Variants in AKAP13 observed in about 807,000 individuals in gnomAD.
The protein encoded by AKAP13 is A-kinase anchor protein 13.
A neutral mutation model predicts 264.5 loss-of-function variants in AKAP13; 80 were observed. That is an observed-to-expected ratio of 0.30 (90% CI 0.25 to 0.36). The LOEUF is 0.36. Among genes scored for constraint, AKAP13 ranks in the 10% least tolerant of loss-of-function variants. The pLI, the probability that AKAP13 is intolerant of heterozygous loss-of-function variation, is 1.00. For missense variants in AKAP13, 3,712 were observed against 3,435.2 expected, an observed-to-expected ratio of 1.08 and a Z score of -2.01; for synonymous variants, 1,380 against 1,250.2, an observed-to-expected ratio of 1.10 and a Z score of -2.19.
intron 17 of AKAP13, among the ~76,000 whole-genome samples, chr15:85,697,462 A>C (rs1009025487): frequency 6.6e-6 from 1 of 152,140 alleles, no homozygotes; most frequent in Non-Finnish European, 1.5e-5. Flanking sequence ...CCAGCTATTC[A>C]GTAGGCTGAG....
Position 85,744,725 on chromosome 15 carries a change from C to T in AKAP13, c.*48C>T. On this transcript the variant is annotated 3_prime_UTR_variant, in exon 37 of 37. Coordinates refer to ENST00000394518, the MANE Select transcript of AKAP13 (RefSeq NM_007200.5). ...AGCTGCCTCCTGATCCTGGCCAGCC[C>T]ACCTCTCCTGCTGTCCCCGCGTGCA... 2 of 1,534,928 alleles carry T rather than the reference C, an allele frequency of 1.3e-6. No homozygotes were observed. The highest frequency in any genetic ancestry group is 1.2e-5 in the South Asian group (1 of 80,950).
intron 1 of AKAP13, among the ~76,000 whole-genome samples, chr15:85,383,042 C>T (rs947858888): frequency 4.6e-5 from 7 of 151,300 alleles, no homozygotes; most frequent in Non-Finnish European, 7.4e-5. Context: ...TAGAAATCAG[C>T]CCCCCCCTTT....
chr15:85,707,922 C>G, intron 17 of AKAP13, 97 bp from the exon 18 acceptor site: 1 of 1,216,544 alleles, frequency 8.2e-7, no homozygotes, highest in African/African-American at 1.5e-5. Flanking sequence ...AGTGACTTCA[C>G]TTTGAAATTC....
At chr15:85,740,522 A>T (rs2088873936) in intron 34 of AKAP13, 1 of 496,812 alleles carries the variant, frequency 2.0e-6, no homozygotes, top group Non-Finnish European at 3.6e-6. Context: ...TAGCATGCTA[A>T]CATGCATCTG....
At chr15:85,697,614 A>G (rs2085641287) in intron 17 of AKAP13, among the ~76,000 whole-genome samples, 1 of 152,238 alleles carries the variant, frequency 6.6e-6, no homozygotes, top group African/African-American at 2.4e-5. Context: ...AATAGAATCT[A>G]TAATGGAAGA....
At position 85,582,016 on chromosome 15, in the gene AKAP13, G is replaced by A. The variant is rs114990958; in HGVS notation, c.3948G>A (p.Glu1316=). 179 of 1,614,188 alleles carry A rather than the reference G, an allele frequency of 1.1e-4. 1 individual carries two copies. The East Asian group carries it at 3.1e-3, about 28-fold the overall frequency. Residue 1316 remains glutamate (E), a synonymous_variant, in exon 7 of 37, where the codon GAG becomes GAA. Coordinates refer to ENST00000394518, the MANE Select transcript of AKAP13 (RefSeq NM_007200.5). ...GCCTACCAATGGGCAGTACTCCTGA[G>A]GAAGCCACGGGGAGCCTTGCAGGAT... The part of the protein sequence containing the change: ...GESLPMGSTP[E]EATGSLAGCF...
rs1192068626 is a variant in AKAP13, at chr15:85,577,924, T to C, written c.862-1006T>C. ...GCTGCACCTTGTAATGGAAAAGAGCTAGGATTTGTTTTTACTTGTATATAT... is the reference window on the plus strand; with the variant it reads ...GCTGCACCTTGTAATGGAAAAGAGCCAGGATTTGTTTTTACTTGTATATAT... On this transcript the variant is annotated intron_variant, in intron 6 of 36. Coordinates refer to ENST00000394518, the MANE Select transcript of AKAP13 (RefSeq NM_007200.5). 6 of 705,888 alleles carry C rather than the reference T, an allele frequency of 8.5e-6. No individual in the cohort carries two copies. The South Asian group carries it at 3.8e-4, about 45-fold the overall frequency. 43.7% of individuals were successfully genotyped at this position (705,888 alleles called of 1,614,324 possible). A position where few individuals can be genotyped will look rare whatever the true frequency, so the allele number is the denominator to read the frequency against.
At chr15:85,545,884 A>G (rs1187101755) in intron 5 of AKAP13, among the ~76,000 whole-genome samples, 1 of 152,190 alleles carries the variant, frequency 6.6e-6, no homozygotes, top group Non-Finnish European at 1.5e-5. Context: ...AATTTTAGGG[A>G]CAGCATTCAG....
intron 8 of AKAP13, among the ~76,000 whole-genome samples, chr15:85,595,289 C>T (rs962585449): frequency 2.0e-5 from 3 of 151,674 alleles, no homozygotes; most frequent in South Asian, 2.1e-4. Context: ...TGTAGAGACA[C>T]GGTCTCCACA....
chr15:85,448,441 G>A (rs769718545), intron 1 of AKAP13, among the ~76,000 whole-genome samples: 2 of 151,840 alleles, frequency 1.3e-5, no homozygotes, highest in Non-Finnish European at 2.9e-5. Flanking sequence ...ATCTTTGCCC[G>A]TTCCTAAGTC....
At chr15:85,590,335 CCT>C (rs2079534702) in intron 8 of AKAP13, among the ~76,000 whole-genome samples, 1 of 152,168 alleles carries the variant, frequency 6.6e-6, no homozygotes, top group African/African-American at 2.4e-5. Context: ...AGCATAAGAA[CCT>C]CTGTCGAGTG....
intron 2 of AKAP13, among the ~76,000 whole-genome samples, chr15:85,514,083 A>G (rs1596386096): frequency 7.3e-6 from 1 of 137,880 alleles, no homozygotes. Flanking sequence ...TGTAATATGT[A>G]TGCTGTTCCT....
At chr15:85,471,138 C>T (rs531742825) in intron 1 of AKAP13, among the ~76,000 whole-genome samples, 1 of 152,136 alleles carries the variant, frequency 6.6e-6, no homozygotes, top group African/African-American at 2.4e-5. Flanking sequence ...CACAATGACA[C>T]AAAGCATTAC....
intron 30 of AKAP13, among the ~76,000 whole-genome samples, chr15:85,733,663 T>G (rs2088209708): frequency 6.6e-6 from 1 of 152,188 alleles, no homozygotes; most frequent in Non-Finnish European, 1.5e-5. Flanking sequence ...TCTCTTCATC[T>G]TTTTAATGTT....
rs533047781 is a variant in AKAP13 at position 85,524,858 on chromosome 15, C to G, written c.181+3283C>G. Among the ~76,000 whole-genome samples the G allele has an allele frequency of 1.5e-4, 21 of 143,146 alleles. No homozygotes were observed. In the South Asian group the frequency reaches 4.7e-3, roughly 32 times the overall value. The allele number at this position is 143,146 out of a possible 152,430, so 93.9% of individuals were successfully genotyped here. ...GTCTGTCTGTCCCTCCCTCCTGCCC[C>G]CTCTTTCCCCATTCCCCTGTGTGTG... On this transcript the variant is annotated intron_variant, in intron 3 of 36. Transcript: ENST00000394518.
Position 85,734,080 on chromosome 15 carries a change from G to A in AKAP13, c.7283-912G>A, listed in dbSNP as rs187820145. Among the ~76,000 whole-genome samples, 15 of 151,994 alleles carry A rather than the reference G, an allele frequency of 9.9e-5. No individual in the cohort carries two copies. In the East Asian group the frequency reaches 2.3e-3, roughly 23 times the overall value. On this transcript the variant is annotated intron_variant, in intron 30 of 36. Transcript: ENST00000394518. The stretch of plus-strand genomic sequence containing the variant: ...ACTCCTGACCTCAGGTGATCTGCCC[G>A]CCTCGGCCTCCCGAAGTGCTGGGAT...
chr15:85,668,872 G>A (rs906914058), intron 13 of AKAP13, among the ~76,000 whole-genome samples: 6 of 151,982 alleles, frequency 3.9e-5, no homozygotes, highest in Non-Finnish European at 7.4e-5. Flanking sequence ...GAACCTGGGA[G>A]GCAGAGGTTG....
At chr15:85,637,936 C>T (rs929287585) in intron 8 of AKAP13, among the ~76,000 whole-genome samples, 57 of 146,340 alleles carry the variant, frequency 3.9e-4, no homozygotes, top group African/African-American at 1.3e-3. Flanking sequence ...AGTGCAGTGG[C>T]GCGATCTTCA....
intron 8 of AKAP13, among the ~76,000 whole-genome samples, chr15:85,605,936 G>A (rs900055031): frequency 3.9e-5 from 6 of 152,120 alleles, no homozygotes; most frequent in African/African-American, 7.2e-5. Context: ...TAGATCTCAT[G>A]TATTTATAAG....
Sources: allele counts gnomAD v4.1 joint callset (sites outside exome capture counted in the v4.1 genomes callset), GRCh38; gene constraint gnomAD v4.1.1; transcripts MANE v1.5; gene names NCBI Gene and HGNC (gene_info 2026-07-23, HGNC 2026-07-21).